ATP6V1H: variants seen among roughly 807,000 people sequenced by gnomAD.
ATP6V1H encodes V-type proton ATPase subunit H.
In ATP6V1H, 39 loss-of-function variants were observed where a neutral mutation model predicts 71.7. The ratio of observed to expected loss-of-function variants is 0.54; its 90% CI spans 0.42 to 0.71. ATP6V1H has a LOEUF of 0.71. Among genes scored for constraint, ATP6V1H ranks in the 30% least tolerant of loss-of-function variants. ATP6V1H has a pLI of 0.00. For synonymous variants in ATP6V1H, 192 were observed against 199.3 expected, an observed-to-expected ratio of 0.96 and a Z score of 0.31; for missense variants, 509 against 594.9, an observed-to-expected ratio of 0.86 and a Z score of 1.50.
chr8:53,772,077 A>G lies in ATP6V1H; in HGVS notation c.961T>C (p.Leu321=), dbSNP rs1808679406. Residue 321 remains leucine (L), a synonymous_variant, in exon 10 of 14, where the codon TTG becomes CTG. Coordinates refer to ENST00000359530, the MANE Select transcript of ATP6V1H (RefSeq NM_015941.4). ...QCKVLKQLEN[L]EQQKYDDEDI... ...TCATCATCGTACTTCTGCTGTTCCAAGTTCTCCAACTGTTTCAGAACTTTG... is the reference window on the plus strand; with the variant it reads ...TCATCATCGTACTTCTGCTGTTCCAGGTTCTCCAACTGTTTCAGAACTTTG... 3 of 1,614,082 alleles carry G rather than the reference A, an allele frequency of 1.9e-6. No individual in the cohort carries two copies. Among genetic ancestry groups the G allele is most frequent in the Non-Finnish European group, 2.5e-6 (3 of 1,179,974 alleles).
chr8:53,811,995 A>T (rs1313969957), intron 6 of ATP6V1H, among the ~76,000 whole-genome samples: 2 of 152,128 alleles, frequency 1.3e-5, no homozygotes, highest in Non-Finnish European at 2.9e-5. Context: ...AGAGAGAAAA[A>T]CACTTGTGAC....
intron 7 of ATP6V1H, among the ~76,000 whole-genome samples, chr8:53,803,905 C>A (rs186353330): frequency 6.6e-6 from 1 of 152,154 alleles, no homozygotes; most frequent in Non-Finnish European, 1.5e-5. Flanking sequence ...ACAGAGAGCA[C>A]CCTCTTCTCT....
intron 2 of ATP6V1H, among the ~76,000 whole-genome samples, chr8:53,834,769 C>T (rs1296637286): frequency 6.6e-6 from 1 of 151,964 alleles, no homozygotes; most frequent in Admixed American, 6.6e-5. Context: ...GTCCCTCCTC[C>T]CCTGACCCCA....
chr8:53,749,882 G>A (rs1807734248), intron 12 of ATP6V1H, among the ~76,000 whole-genome samples: 1 of 152,126 alleles, frequency 6.6e-6, no homozygotes. Context: ...TGCAGAGGGA[G>A]CACATTCCCT....
intron 9 of ATP6V1H, among the ~76,000 whole-genome samples, chr8:53,787,690 T>C (rs1458518777): frequency 6.6e-6 from 1 of 152,230 alleles, no homozygotes; most frequent in African/African-American, 2.4e-5. Context: ...GCAACAAAGA[T>C]GATCTTCAAT....
At chr8:53,728,603 C>T (rs946582984) in intron 13 of ATP6V1H, among the ~76,000 whole-genome samples, 4 of 152,196 alleles carry the variant, frequency 2.6e-5, no homozygotes, top group Non-Finnish European at 2.9e-5. Flanking sequence ...ATGCAGATCC[C>T]CTGCTTTGTC....
intron 13 of ATP6V1H, among the ~76,000 whole-genome samples, chr8:53,732,457 G>A (rs556014506): frequency 1.3e-5 from 2 of 152,136 alleles, no homozygotes; most frequent in Non-Finnish European, 2.9e-5. Flanking sequence ...AACTCTCTGT[G>A]AATGTAAATT....
chr8:53,833,199 C>G, intron 2 of ATP6V1H, 113 bp from the exon 3 acceptor site: 1 of 727,746 alleles, frequency 1.4e-6, no homozygotes, highest in Non-Finnish European at 2.3e-6. Flanking sequence ...CAAGGGCTGA[C>G]GCAAGGGCCC....
chr8:53,783,739 G>A (rs1324540114), intron 9 of ATP6V1H, among the ~76,000 whole-genome samples: 1 of 152,112 alleles, frequency 6.6e-6, no homozygotes, highest in East Asian at 1.9e-4. Flanking sequence ...CTGGTATGTT[G>A]TGTCTTTGTT....
chr8:53,764,324 A>C (rs1217572405), intron 11 of ATP6V1H, among the ~76,000 whole-genome samples: 1 of 152,238 alleles, frequency 6.6e-6, no homozygotes, highest in East Asian at 1.9e-4. Context: ...AAAACGAATT[A>C]TAAACTATGA....
At chr8:53,813,839 T>C (rs1810362062) in intron 6 of ATP6V1H, among the ~76,000 whole-genome samples, 1 of 152,226 alleles carries the variant, frequency 6.6e-6, no homozygotes, top group East Asian at 1.9e-4. Context: ...GTAGGTTCGT[T>C]AGGCCTAACT....
At chr8:53,819,649 T>C (rs1390050422) in intron 4 of ATP6V1H, among the ~76,000 whole-genome samples, 4 of 98,308 alleles carry the variant, frequency 4.1e-5, no homozygotes, top group Non-Finnish European at 7.1e-5. Flanking sequence ...AATGTATATA[T>C]GTATATACGT....
chr8:53,815,573 C>T (rs1039161507), intron 5 of ATP6V1H, among the ~76,000 whole-genome samples: 4 of 152,184 alleles, frequency 2.6e-5, no homozygotes, highest in Admixed American at 6.5e-5. Context: ...ATGTCAGACA[C>T]TTAAGTGTTC....
intron 9 of ATP6V1H, among the ~76,000 whole-genome samples, chr8:53,790,136 TTA>T (rs1021543697): frequency 9.2e-5 from 14 of 152,230 alleles, no homozygotes; most frequent in African/African-American, 3.1e-4. Flanking sequence ...TTGCTTTCTG[TTA>T]TATGTTCATC....
intron 4 of ATP6V1H, among the ~76,000 whole-genome samples, chr8:53,818,344 G>A (rs1267471864): frequency 4.6e-5 from 7 of 151,974 alleles, no homozygotes; most frequent in African/African-American, 1.4e-4. Flanking sequence ...GGTGATTTGT[G>A]GGTCATAATA....
intron 9 of ATP6V1H, among the ~76,000 whole-genome samples, chr8:53,773,070 A>C (rs1407221990): frequency 2.0e-5 from 3 of 152,208 alleles, no homozygotes; most frequent in East Asian, 1.9e-4. Context: ...AATGCCCACC[A>C]ATCTTCCCTT....
chr8:53,836,467 A>T (rs1027378040), intron 2 of ATP6V1H, among the ~76,000 whole-genome samples: 1 of 152,084 alleles, frequency 6.6e-6, no homozygotes, highest in Non-Finnish European at 1.5e-5. Context: ...CATTTCCATA[A>T]TCCAGCAGGT....
intron 4 of ATP6V1H, among the ~76,000 whole-genome samples, chr8:53,823,813 A>G (rs996197784): frequency 6.6e-6 from 1 of 152,204 alleles, no homozygotes; most frequent in South Asian, 2.1e-4. Context: ...GAAATAAATT[A>G]AAATTCCCAG....
At chr8:53,801,382 G>A (rs556519842) in intron 8 of ATP6V1H, among the ~76,000 whole-genome samples, 3 of 152,310 alleles carry the variant, frequency 2.0e-5, no homozygotes, top group African/African-American at 7.2e-5. Flanking sequence ...TGAACAGGCA[G>A]CTCCTCAAAG....
Sources: gnomAD v4.1 joint callset for allele counts (sites outside exome capture counted in the v4.1 genomes callset) on GRCh38, gnomAD v4.1.1 for gene constraint, MANE v1.5 for transcripts, NCBI Gene and HGNC (gene_info 2026-07-23, HGNC 2026-07-21) for gene names.